The following RFWD3 variants were observed in gnomAD, a reference collection of about 807,000 sequenced individuals.
RFWD3 encodes ring finger and WD repeat domain 3, also known as E3 ubiquitin-protein ligase RFWD3.
A neutral mutation model predicts 87.7 loss-of-function variants in RFWD3; 65 were observed. That is an observed-to-expected ratio of 0.74 (90% confidence interval 0.61 to 0.91). The LOEUF (loss-of-function observed/expected upper bound fraction) is 0.91. Ranked by LOEUF, RFWD3 falls within the 40% of genes least tolerant of loss-of-function variation. The pLI is 0.00. For synonymous variants in RFWD3, 433 were observed against 352.8 expected (o/e 1.23, Z -2.55); for missense variants, 1,078 against 938.5 (o/e 1.15, Z -1.94).
At chr16:74,647,833 C>A (rs1422342460) in intron 4 of RFWD3, among the ~76,000 whole-genome samples, 1 of 152,124 alleles carries the variant, frequency 6.6e-6, no homozygotes, top group African/African-American at 2.4e-5. Context: ...CTCAGGTGAT[C>A]CGCCCGCCTT....
chr16:74,644,183 G>C (rs146049115), intron 6 of RFWD3, 179 bp downstream of exon 6: 1 of 662,840 alleles, frequency 1.5e-6, no homozygotes, highest in African/African-American at 1.8e-5. Flanking sequence ...ACTTCCTTAA[G>C]AAGATGATCA....
intron 2 of RFWD3, among the ~76,000 whole-genome samples, chr16:74,653,315 T>G (rs1960710207): frequency 1.3e-5 from 2 of 150,994 alleles, no homozygotes; most frequent in African/African-American, 2.4e-5. Context: ...CCAGCCTGGG[T>G]ATCAGAGTGA....
chr16:74,642,051 G>A (rs2144172540), intron 6 of RFWD3, among the ~76,000 whole-genome samples: 1 of 151,768 alleles, frequency 6.6e-6, no homozygotes, highest in South Asian at 2.1e-4. Flanking sequence ...TAACTCTTGG[G>A]AATGCTGAAC....
At position 74,624,038 on chromosome 16, in the gene RFWD3, C is replaced by A; in HGVS notation, c.2215G>T (p.Asp739Tyr). The change falls in exon 13 of 13, where the codon GAC (aspartate) becomes TAC (tyrosine). Residue 739 changes from aspartate (D) to tyrosine (Y), a missense_variant. Physicochemically the swap from Asp to Tyr is radical, Grantham distance 160. Transcript: ENST00000361070. ...AACACAGGCTGATCGGTCTGTAGGT[C>A]CTGGAGCAACGAGCCACTGGCAGCA... Reference protein sequence around the residue: ...WDAASGSLLQDLQTDQPVLDI... With the variant: ...WDAASGSLLQYLQTDQPVLDI... The A allele has an allele frequency of 1.2e-6, 2 of 1,613,902 alleles. No individual in the cohort carries two copies. Among genetic ancestry groups the A allele is most frequent in the African/African-American group, 1.3e-5 (1 of 74,994 alleles).
chr16:74,651,678 ATACAAAATGCCAC>A (rs766893200), intron 3 of RFWD3, among the ~76,000 whole-genome samples: 2 of 152,220 alleles, frequency 1.3e-5, no homozygotes, highest in Non-Finnish European at 2.9e-5. Context: ...GTGAAAGAGA[ATACAAAATGCCAC>A]TACAAAGTGA....
At chr16:74,626,667 T>C in intron 11 of RFWD3, 113 bp from the exon 12 acceptor site, 1 of 730,108 alleles carries the variant, frequency 1.4e-6, no homozygotes, top group Non-Finnish European at 2.3e-6. Context: ...CATAAATGCA[T>C]TAAACCATCA....
intron 1 of RFWD3, among the ~76,000 whole-genome samples, chr16:74,662,580 A>T (rs1457653266): frequency 6.6e-6 from 1 of 152,200 alleles, no homozygotes; most frequent in Non-Finnish European, 1.5e-5. Flanking sequence ...AAAGAGTGAA[A>T]ATTGGGCTGA....
chr16:74,631,459 T>C (rs112049165), intron 9 of RFWD3, among the ~76,000 whole-genome samples: 1 of 67,610 alleles, frequency 1.5e-5, no homozygotes, highest in Non-Finnish European at 2.8e-5. Flanking sequence ...GGTGACAGAG[T>C]GAGACTCTCT....
intron 2 of RFWD3, among the ~76,000 whole-genome samples, chr16:74,659,551 C>T (rs1286847832): frequency 3.3e-5 from 5 of 152,026 alleles, no homozygotes; most frequent in East Asian, 1.9e-4. Context: ...GCTGATACTG[C>T]GCCACTGCAC....
intron 9 of RFWD3, among the ~76,000 whole-genome samples, 197 bp downstream of exon 9, chr16:74,632,326 A>T (rs1178686440): frequency 6.6e-6 from 1 of 152,076 alleles, no homozygotes; most frequent in Non-Finnish European, 1.5e-5. Flanking sequence ...CGGAAGGTGG[A>T]GCTTGCAGTG....
intron 2 of RFWD3, among the ~76,000 whole-genome samples, chr16:74,654,170 T>C (rs1422862808): frequency 6.6e-6 from 1 of 152,170 alleles, no homozygotes; most frequent in Non-Finnish European, 1.5e-5. Context: ...TGTCCTCTCT[T>C]TCATTCTTCA....
At chr16:74,645,696 T>C (rs778157049) in intron 4 of RFWD3, among the ~76,000 whole-genome samples, 1 of 151,516 alleles carries the variant, frequency 6.6e-6, no homozygotes, top group Middle Eastern at 3.4e-3. Flanking sequence ...ATGTGGTCTG[T>C]CATAGACTGA....
Position 74,661,220 on chromosome 16 carries a change from G to A in RFWD3, c.230C>T (p.Ser77Phe), listed in dbSNP as rs1961406804. Reference sequence around the variant, plus strand: ...GACCTCCACTTCTGTCAGGTCAACAGACAGTTGCGGAGCAGGCTGGAGCAG... The same window carrying A: ...GACCTCCACTTCTGTCAGGTCAACAAACAGTTGCGGAGCAGGCTGGAGCAG... ...PPLLQPAPQL[S>F]VDLTEVEVLG... The change falls in exon 2 of 13, where the codon TCT becomes TTT. Residue 77 changes from serine (S) to phenylalanine (F), a missense_variant. Coordinates refer to ENST00000361070, the MANE Select transcript of RFWD3 (RefSeq NM_018124.4). The A allele has an allele frequency of 4.3e-6, 7 of 1,614,108 alleles. No individual in the cohort carries two copies. The highest frequency in any genetic ancestry group is 5.9e-6 in the Non-Finnish European group (7 of 1,180,052).
At position 74,658,853 on chromosome 16, in the gene RFWD3, C is replaced by T. The variant is rs190630324; in HGVS notation, c.518+2079G>A. 1.6e-3 allele frequency among the ~76,000 whole-genome samples: 249 copies of T among 151,960 alleles called. 1 individual carries two copies. The highest frequency in any genetic ancestry group is 0.015 in the South Asian group (72 of 4,808). ...CAAGATCTTGGCTCACTGCAAGCTCCGCCTCCTAGGTTCAAGGAATTCTCA... is the reference window on the plus strand; with the variant it reads ...CAAGATCTTGGCTCACTGCAAGCTCTGCCTCCTAGGTTCAAGGAATTCTCA... On this transcript the variant is annotated intron_variant, in intron 2 of 12. Transcript: ENST00000361070.
At chr16:74,658,424 GCTGA>G (rs1195218779) in intron 2 of RFWD3, among the ~76,000 whole-genome samples, 1 of 152,216 alleles carries the variant, frequency 6.6e-6, no homozygotes, top group African/African-American at 2.4e-5. Context: ...TGGCTTCTTG[GCTGA>G]CTGTGAGTCA....
intron 7 of RFWD3, among the ~76,000 whole-genome samples, chr16:74,637,282 A>G (rs1959230219): frequency 6.6e-6 from 1 of 152,138 alleles, no homozygotes; most frequent in African/African-American, 2.4e-5. Context: ...GGAAGGTAAA[A>G]TTACTTAAAC....
intron 6 of RFWD3, among the ~76,000 whole-genome samples, chr16:74,641,469 GATTA>G (rs79268670): frequency 0.59 from 88,854 of 151,466 alleles, 27,249 homozygotes; most frequent in African/African-American, 0.77. Context: ...GGCCTAAACA[GATTA>G]ATTTTGACTA....
chr16:74,648,838 T>C (rs1207668878), intron 4 of RFWD3, among the ~76,000 whole-genome samples: 2 of 151,536 alleles, frequency 1.3e-5, no homozygotes, highest in East Asian at 2.0e-4. Flanking sequence ...ACAATCTCAA[T>C]GGTTTGGGAG....
chr16:74,632,503 T>C lies in RFWD3; in HGVS notation c.1577+20A>G. The C allele has an allele frequency of 6.2e-7, 1 of 1,613,208 alleles. No homozygotes were observed. The highest frequency in any genetic ancestry group is 8.5e-7 in the Non-Finnish European group (1 of 1,179,334). On this transcript the variant is annotated intron_variant, in intron 9 of 12. Transcript: ENST00000361070. Reference sequence around the variant, plus strand: ...AACACCAAAGAGCCCAGTCTCCACCTACTTCCCCAAATCACTCACCTGGTC... The same window carrying C: ...AACACCAAAGAGCCCAGTCTCCACCCACTTCCCCAAATCACTCACCTGGTC...
Sources: allele counts gnomAD v4.1 joint callset (sites outside exome capture counted in the v4.1 genomes callset), GRCh38; gene constraint gnomAD v4.1.1; transcripts MANE v1.5; gene names NCBI Gene and HGNC (gene_info 2026-07-23, HGNC 2026-07-21).